MCF2L2: variants seen among roughly 807,000 people sequenced by gnomAD.
The protein encoded by MCF2L2 is probable guanine nucleotide exchange factor MCF2L2.
Under a neutral mutation model 150.2 loss-of-function variants are expected in MCF2L2, and 102 were observed. The observed-to-expected ratio is 0.68, with a 90% CI of 0.58 to 0.80. The LOEUF is 0.80. MCF2L2 is among the 30% of genes least tolerant of loss of function. The probability of loss-of-function intolerance (pLI) is 0.00; values close to 1 mark genes in which losing one functional copy is unlikely to be tolerated. For synonymous variants in MCF2L2, 465 were observed against 491.3 expected, an observed-to-expected ratio of 0.95 and a Z score of 0.71; for missense variants, 1,256 against 1,372.8, an observed-to-expected ratio of 0.91 and a Z score of 1.34.
chr3:183,278,516 T>C (rs1362589018), intron 14 of MCF2L2, among the ~76,000 whole-genome samples: 2 of 152,246 alleles, frequency 1.3e-5, no homozygotes. Flanking sequence ...CAGTGAATGT[T>C]ACATTGTATC....
At chr3:183,380,227 T>G (rs1174536382) in intron 2 of MCF2L2, among the ~76,000 whole-genome samples, 2 of 152,142 alleles carry the variant, frequency 1.3e-5, no homozygotes, top group Admixed American at 6.5e-5. Flanking sequence ...GCCATTTGAC[T>G]AAGTTCTAGC....
chr3:183,343,950 C>T (rs537190699), intron 3 of MCF2L2, among the ~76,000 whole-genome samples: 23 of 152,112 alleles, frequency 1.5e-4, no homozygotes, highest in African/African-American at 4.6e-4. Context: ...GCAGGAGGAT[C>T]GCTTGGGCTC....
intron 12 of MCF2L2, chr3:183,296,635 T>TA (rs1728520204): frequency 5.0e-6 from 1 of 199,244 alleles, no homozygotes; most frequent in Non-Finnish European, 1.0e-5. Flanking sequence ...GATTATTTTG[T>TA]TAATGTCAGC....
intron 15 of MCF2L2, chr3:183,231,341 A>C (rs1333574512): frequency 1.4e-5 from 7 of 488,108 alleles, no homozygotes; most frequent in Non-Finnish European, 2.0e-5. Context: ...CAGAAATACC[A>C]GGTCTGGATC....
At chr3:183,284,996 C>G (rs974870680) in intron 14 of MCF2L2, among the ~76,000 whole-genome samples, 1 of 152,148 alleles carries the variant, frequency 6.6e-6, no homozygotes, top group Non-Finnish European at 1.5e-5. Context: ...TGTTGAGAAT[C>G]AGAAATATTA....
intron 3 of MCF2L2, among the ~76,000 whole-genome samples, chr3:183,344,138 CA>C (rs755159190): frequency 1.8e-4 from 27 of 150,564 alleles, no homozygotes; most frequent in Non-Finnish European, 2.2e-4. Context: ...ACAAAACCAC[CA>C]CCCCCCCCAA....
intron 5 of MCF2L2, among the ~76,000 whole-genome samples, chr3:183,333,273 C>T (rs1730340146): frequency 6.6e-6 from 1 of 152,212 alleles, no homozygotes; most frequent in Non-Finnish European, 1.5e-5. Flanking sequence ...TCTTGAACTC[C>T]TGACCCCAGA....
chr3:183,280,829 C>T (rs1727426617), intron 14 of MCF2L2, among the ~76,000 whole-genome samples: 2 of 136,038 alleles, frequency 1.5e-5, no homozygotes, highest in African/African-American at 5.5e-5. Context: ...GCCTGGGCAA[C>T]AGAGTGAGTC....
intron 2 of MCF2L2, among the ~76,000 whole-genome samples, chr3:183,388,073 CA>C (rs1207886548): frequency 1.3e-5 from 2 of 151,936 alleles, no homozygotes; most frequent in African/African-American, 4.8e-5. Flanking sequence ...TGTCTGATAC[CA>C]GTTCATGTTT....
Position 183,379,226 on chromosome 3 carries a change from C to A in MCF2L2, c.275+71G>T, listed in dbSNP as rs1033723863. ...TGCTCATGGAAGTATATGTCTCAAC[C>A]CAGCCCTGCCACATGGGAAGTGTGG... On this transcript the variant is annotated intron_variant, in intron 3 of 29. Transcript: ENST00000328913. The A allele has an allele frequency of 5.8e-5, 68 of 1,168,822 alleles. No homozygotes were observed. The African/African-American group carries it at 1.0e-3, about 17-fold the overall frequency. 72.4% of individuals were successfully genotyped at this position (1,168,822 alleles called of 1,614,324 possible).
intron 3 of MCF2L2, among the ~76,000 whole-genome samples, chr3:183,343,138 T>G (rs1340292564): frequency 6.6e-6 from 1 of 152,184 alleles, no homozygotes; most frequent in Non-Finnish European, 1.5e-5. Flanking sequence ...AGACTTTCAC[T>G]CCTACCAAAA....
chr3:183,347,416 T>TAA (rs2108548170), intron 3 of MCF2L2, among the ~76,000 whole-genome samples: 1 of 152,242 alleles, frequency 6.6e-6, no homozygotes, highest in South Asian at 2.1e-4. Flanking sequence ...CAAGATGGAT[T>TAA]AAAGGCTTAA....
At chr3:183,363,284 C>G (rs1712324195) in intron 3 of MCF2L2, among the ~76,000 whole-genome samples, 1 of 152,186 alleles carries the variant, frequency 6.6e-6, no homozygotes, top group Admixed American at 6.5e-5. Context: ...TACACATACT[C>G]TTACCATAAG....
chr3:183,378,855 G>GA lies in MCF2L2; in HGVS notation c.275+441dup, dbSNP rs751688351. 1,192 of 129,658 alleles carry GA rather than the reference G, an allele frequency of 9.2e-3. 12 individuals carry two copies. The highest frequency in any genetic ancestry group is 0.023 in the African/African-American group (820 of 35,126). The allele number at this position is 129,658 out of a possible 1,614,324, so 8.0% of individuals were successfully genotyped here. ...CAACATAGTGAAACCCCTCTCTGCT[G>GA]AAAAAAAAAAAAAAATACAAAAATT... On this transcript the variant is annotated intron_variant, in intron 3 of 29. Transcript: ENST00000328913.
rs1553776998 is a variant in MCF2L2, at chr3:183,298,764, T to TGC, written c.1305+1239_1305+1240dup. On this transcript the variant is annotated intron_variant, in intron 11 of 29. Transcript: ENST00000328913. ...TCCCTCTCTCTCTCTCAAACACACATGCACACACACACACACACACACACA... is the reference window on the plus strand; with the variant it reads ...TCCCTCTCTCTCTCTCAAACACACATGCGCACACACACACACACACACACACA... The TGC allele has an allele frequency of 5.0e-5, 3 of 60,336 alleles. 1 individual carries two copies. Among genetic ancestry groups the TGC allele is most frequent in the Admixed American group, 4.9e-4 (3 of 6,130 alleles). The allele number at this position is 60,336 out of a possible 1,614,324, so 3.7% of individuals were successfully genotyped here. A position where few individuals can be genotyped will look rare whatever the true frequency, so the allele number is the denominator to read the frequency against.
chr3:183,212,666 T>C (rs1722773331), intron 22 of MCF2L2, among the ~76,000 whole-genome samples: 1 of 144,800 alleles, frequency 6.9e-6, no homozygotes, highest in African/African-American at 2.4e-5. Context: ...AGAGTTAATA[T>C]GACTGTCACA....
chr3:183,274,932 G>A (rs1248204500), intron 15 of MCF2L2, among the ~76,000 whole-genome samples: 1 of 150,486 alleles, frequency 6.6e-6, no homozygotes, highest in Non-Finnish European at 1.5e-5. Context: ...AACGCCCTAC[G>A]TAAACTTTTC....
At chr3:183,351,234 A>ATATTTATTTATT (rs1187202933) in intron 3 of MCF2L2, among the ~76,000 whole-genome samples, 18 of 60,442 alleles carry the variant, frequency 3.0e-4, no homozygotes, top group Admixed American at 7.5e-4. Context: ...ATATATATAT[A>ATATTTATTTATT]TATTTATTTA....
chr3:183,215,889 CTT>C, intron 22 of MCF2L2, 78 bp downstream of exon 22: 2 of 1,486,858 alleles, frequency 1.3e-6, no homozygotes, highest in Non-Finnish European at 1.8e-6. Flanking sequence ...ATCTCTCTGA[CTT>C]TGCCAGAGCA....
Sources: gnomAD v4.1 joint callset for allele counts (sites outside exome capture counted in the v4.1 genomes callset) on GRCh38, gnomAD v4.1.1 for gene constraint, MANE v1.5 for transcripts, NCBI Gene and HGNC (gene_info 2026-07-23, HGNC 2026-07-21) for gene names.